RIMBP2: variants seen among roughly 807,000 people sequenced by gnomAD.
RIMBP2 encodes RIMS binding protein 2.
Under a neutral mutation model 118.6 loss-of-function variants are expected in RIMBP2, and 48 were observed. The ratio of observed to expected loss-of-function variants is 0.40; its 90% CI spans 0.32 to 0.51. The LOEUF is 0.51. Among genes scored for constraint, RIMBP2 ranks in the 20% least tolerant of loss-of-function variants. The pLI, the probability that RIMBP2 is intolerant of heterozygous loss-of-function variation, is 0.41. For missense variants in RIMBP2, 1,551 were observed against 1,768.3 expected (o/e 0.88, Z 2.20); for synonymous variants, 762 against 742.9 (o/e 1.03, Z -0.42).
chr12:130,577,987 A>T (rs2058206924), intron 2 of RIMBP2, among the ~76,000 whole-genome samples: 1 of 152,188 alleles, frequency 6.6e-6, no homozygotes, highest in Non-Finnish European at 1.5e-5. Context: ...CCTGCCATAC[A>T]TCTTATATAG....
At chr12:130,512,970 T>G in intron 3 of RIMBP2, among the ~76,000 whole-genome samples, 1 of 152,114 alleles carries the variant, frequency 6.6e-6, no homozygotes, top group Non-Finnish European at 1.5e-5. Context: ...TTTTAAACTT[T>G]CATAATTTTT....
At chr12:130,709,128 A>C (rs1172164361) in intron 1 of RIMBP2, among the ~76,000 whole-genome samples, 1 of 152,266 alleles carries the variant, frequency 6.6e-6, no homozygotes, top group Non-Finnish European at 1.5e-5. Context: ...AAAGCTGTTT[A>C]CACAACTTCC....
At chr12:130,570,260 T>TA (rs2057528057) in intron 2 of RIMBP2, among the ~76,000 whole-genome samples, 2 of 151,938 alleles carry the variant, frequency 1.3e-5, no homozygotes, top group Non-Finnish European at 2.9e-5. Flanking sequence ...CCCGTCTCTA[T>TA]AAAAAACACA....
At chr12:130,593,541 C>T (rs550214548) in intron 2 of RIMBP2, among the ~76,000 whole-genome samples, 29 of 152,322 alleles carry the variant, frequency 1.9e-4, no homozygotes, top group African/African-American at 6.7e-4. Flanking sequence ...GCACCCTTGG[C>T]GGCTGGAGGG....
At chr12:130,524,846 A>G (rs901506914) in intron 2 of RIMBP2, among the ~76,000 whole-genome samples, 5 of 152,162 alleles carry the variant, frequency 3.3e-5, no homozygotes, top group African/African-American at 1.2e-4. Context: ...CTTGGTGACG[A>G]GAAAAGAAGG....
Position 130,396,324 on chromosome 12 carries a change from T to C in RIMBP2, c.*1037A>G, listed in dbSNP as rs1439702571. On this transcript the variant is annotated 3_prime_UTR_variant, in exon 23 of 23. Transcript: ENST00000690449. ...AGCTTTGTCATTCATTTATAAACCG[T>C]CCATAAATTACAAAAGAAAGGCAGT... is the stretch of plus-strand genomic sequence containing the variant. 1 of 152,600 alleles carries C rather than the reference T, an allele frequency of 6.6e-6. No individual in the cohort carries two copies. Among genetic ancestry groups the C allele is most frequent in the Non-Finnish European group, 1.5e-5 (1 of 68,026 alleles). The allele number at this position is 152,600 out of a possible 1,614,324, so 9.5% of individuals were successfully genotyped here.
At chr12:130,440,904 C>T (rs2078065133) in intron 11 of RIMBP2, among the ~76,000 whole-genome samples, 1 of 152,088 alleles carries the variant, frequency 6.6e-6, no homozygotes, top group Admixed American at 6.5e-5. Flanking sequence ...GCTGGCTGCC[C>T]AGTAACTCAG....
At chr12:130,491,676 G>A (rs1333511572) in intron 4 of RIMBP2, among the ~76,000 whole-genome samples, 1 of 152,262 alleles carries the variant, frequency 6.6e-6, no homozygotes, top group African/African-American at 2.4e-5. Context: ...GAAAACCTCG[G>A]GTTTCGCCCA....
intron 1 of RIMBP2, among the ~76,000 whole-genome samples, chr12:130,691,790 C>T (rs1187065696): frequency 6.6e-6 from 1 of 152,176 alleles, no homozygotes; most frequent in Admixed American, 6.5e-5. Context: ...GCCAGCACCC[C>T]CAGTTCAGAT....
chr12:130,580,425 G>A (rs73156942), intron 2 of RIMBP2, among the ~76,000 whole-genome samples: 7 of 152,202 alleles, frequency 4.6e-5, no homozygotes, highest in East Asian at 1.9e-4. Flanking sequence ...CTTGGCTGCC[G>A]CCACGTAAGA....
chr12:130,503,952 C>G (rs942683336), intron 4 of RIMBP2, among the ~76,000 whole-genome samples: 1 of 152,190 alleles, frequency 6.6e-6, no homozygotes, highest in Non-Finnish European at 1.5e-5. Context: ...AACACATTCA[C>G]AGATAATGAA....
In RIMBP2 at chr12:130,623,036, T is replaced by G. The variant is rs1349722756; in HGVS notation, c.-217+5286A>C. On this transcript the variant is annotated intron_variant, in intron 2 of 22. Coordinates refer to ENST00000690449, the MANE Select transcript of RIMBP2 (RefSeq NM_001393629.1). This position sits in a 1 kb window ranked among gnomAD's most constrained non-coding sequence, Gnocchi z 4.1. ...CTTCTAGTATCAATGGTTTCTTATC[T>G]CAACAAATATTTGCCAAGCATCTGT... 1.3e-5 allele frequency among the ~76,000 whole-genome samples: 2 copies of G among 152,230 alleles called. No homozygotes were observed. Among genetic ancestry groups the G allele is most frequent in the Non-Finnish European group, 2.9e-5 (2 of 68,042 alleles).
intron 5 of RIMBP2, among the ~76,000 whole-genome samples, chr12:130,478,328 A>G (rs1327999408): frequency 6.6e-6 from 1 of 152,210 alleles, no homozygotes; most frequent in South Asian, 2.1e-4. Flanking sequence ...CACATCATGC[A>G]ACAGCCTCAA....
At chr12:130,599,534 A>C (rs959193706) in intron 2 of RIMBP2, among the ~76,000 whole-genome samples, 3 of 152,236 alleles carry the variant, frequency 2.0e-5, no homozygotes, top group African/African-American at 7.2e-5. Context: ...TCACTGGGGA[A>C]GTGCAAATAA....
At chr12:130,643,352 G>T (rs187606791) in intron 1 of RIMBP2, among the ~76,000 whole-genome samples, 1 of 152,300 alleles carries the variant, frequency 6.6e-6, no homozygotes, top group African/African-American at 2.4e-5. Context: ...AGCCCCACAA[G>T]CGACCAGCAG....
rs146600207 is a variant in RIMBP2 at position 130,625,978 on chromosome 12, T to C, written c.-217+2344A>G. On this transcript the variant is annotated intron_variant, in intron 2 of 22. Transcript: ENST00000690449. ...TGACACAATTTGTCTTTTTAGGGCATACAGATAAACATATTGTCATAAATT... is the reference window on the plus strand; with the variant it reads ...TGACACAATTTGTCTTTTTAGGGCACACAGATAAACATATTGTCATAAATT... Among the ~76,000 whole-genome samples the C allele has an allele frequency of 2.2e-3, 328 of 152,274 alleles. 4 individuals are homozygous for C. Among genetic ancestry groups the C allele is most frequent in the African/African-American group, 7.7e-3 (318 of 41,552 alleles).
chr12:130,629,010 A>T (rs2061819256), intron 1 of RIMBP2, among the ~76,000 whole-genome samples: 1 of 152,244 alleles, frequency 6.6e-6, no homozygotes, highest in South Asian at 2.1e-4. Flanking sequence ...CTTGGCCATC[A>T]AATATTCAAA....
At position 130,561,244 on chromosome 12, in the gene RIMBP2, G is replaced by A. The variant is rs116591313; in HGVS notation, c.-216-43327C>T. Among the ~76,000 whole-genome samples the A allele has an allele frequency of 4.8e-3, 725 of 152,276 alleles. 4 individuals carry two copies. The highest frequency in any genetic ancestry group is 0.017 in the African/African-American group (693 of 41,546). Reference sequence around the variant, plus strand: ...AACTGGGAGAGAATAAGTGTCTGTCGTTTCAGCCATGTGGTCTGTGGTCCT... The same window carrying A: ...AACTGGGAGAGAATAAGTGTCTGTCATTTCAGCCATGTGGTCTGTGGTCCT... On this transcript the variant is annotated intron_variant, in intron 2 of 22. Coordinates refer to ENST00000690449, the MANE Select transcript of RIMBP2 (RefSeq NM_001393629.1).
At chr12:130,701,593 G>A (rs2065856609) in intron 1 of RIMBP2, among the ~76,000 whole-genome samples, 1 of 152,092 alleles carries the variant, frequency 6.6e-6, no homozygotes, top group African/African-American at 2.4e-5. Context: ...CACGTTGTAG[G>A]GGAAGGTGTC....
Sources: allele counts gnomAD v4.1 joint callset (sites outside exome capture counted in the v4.1 genomes callset), GRCh38; gene constraint gnomAD v4.1.1; non-coding constraint Gnocchi (gnomAD v3.1); transcripts MANE v1.5; gene names NCBI Gene and HGNC (gene_info 2026-07-23, HGNC 2026-07-21).